The following CHD4 variants were observed in gnomAD, a reference collection of about 807,000 sequenced individuals.
The protein encoded by CHD4 is chromodomain helicase DNA binding protein 4, also known as ATP-dependent chromatin remodeler CHD4.
Under a neutral mutation model 235.5 loss-of-function variants are expected in CHD4, and 35 were observed. The observed-to-expected ratio is 0.15, with a 90% CI of 0.11 to 0.20. The LOEUF (loss-of-function observed/expected upper bound fraction) is 0.20, where lower values mean the gene tolerates loss of function less well. Ranked by LOEUF, CHD4 falls within the 10% of genes least tolerant of loss-of-function variation. CHD4 has a pLI of 1.00. For missense variants in CHD4, 1,329 were observed against 2,432.3 expected (o/e 0.55, Z 9.54); for synonymous variants, 900 against 850.2 (o/e 1.06, Z -1.02).
chr12:6,602,477 C>G lies in CHD4; in HGVS notation c.121G>C (p.Glu41Gln). ...PHPENEEDPE[E>Q]DLSETETPKL... ...GGAGTCTCTGTTTCTGACAAATCCT[C>G]TTCTGGGTCCTCTTCATTTTCTACA... The change falls in exon 3 of 40, where the codon GAG becomes CAG. Residue 41 changes from glutamate to glutamine, a missense_variant. Physicochemically the swap from Glu to Gln is conservative, Grantham distance 29. Around this residue, in one of 26 missense-constraint regions of CHD4, gnomAD observed 213 missense variants for 177.5 expected, o/e 1.20. Coordinates refer to ENST00000544040, the MANE Select transcript of CHD4 (RefSeq NM_001273.5). 1 of 1,612,436 alleles carries G rather than the reference C, an allele frequency of 6.2e-7. No homozygotes were observed. The highest frequency in any genetic ancestry group is 8.5e-7 in the Non-Finnish European group (1 of 1,179,690).
At position 6,578,486 on chromosome 12, in the gene CHD4, T is replaced by C. The variant is rs778146868; in HGVS notation, c.5042A>G (p.Lys1681Arg). ...EVMLQNGETP[K>R]DLNDEKQKKN... ...CTTCTGTTTCTCATCATTCAGGTCC[T>C]TGGGGGTCTCTCCATTCTGAAGCAT... Residue 1681 changes from lysine to arginine, a missense_variant, in exon 35 of 40, where the codon AAG (lysine) becomes AGG (arginine). Lys to Arg is a conservative substitution (Grantham distance 26). This residue lies in a region of CHD4 where 219 missense variants were observed against 219.3 expected (regional missense o/e 1.00). Coordinates refer to ENST00000544040, the MANE Select transcript of CHD4 (RefSeq NM_001273.5). 1.2e-6 allele frequency: 2 copies of C among 1,613,976 alleles called. No homozygotes were observed. The highest frequency in any genetic ancestry group is 1.7e-6 in the Non-Finnish European group (2 of 1,180,000).
At chr12:6,576,351 G>A (rs942923584) in intron 37 of CHD4, among the ~76,000 whole-genome samples, 1 of 152,056 alleles carries the variant, frequency 6.6e-6, no homozygotes, top group Non-Finnish European at 1.5e-5. Context: ...TCAAGACACT[G>A]TCTCAGGAAA....
At chr12:6,600,833 ACG>A in intron 7 of CHD4, 91 bp downstream of exon 7, 2 of 1,513,258 alleles carry the variant, frequency 1.3e-6, no homozygotes, top group Non-Finnish European at 1.8e-6. Flanking sequence ...CCACATTCTT[ACG>A]TGCCTACTAT....
rs757879181 is a variant in CHD4, at chr12:6,578,876, C to G, written c.4951G>C (p.Asp1651His). 2 of 1,614,220 alleles carry G rather than the reference C, an allele frequency of 1.2e-6. No individual in the cohort carries two copies. Among genetic ancestry groups the G allele is most frequent in the Non-Finnish European group, 1.7e-6 (2 of 1,180,038 alleles). Residue 1651 changes from aspartate to histidine, a missense_variant, in exon 34 of 40, where the codon GAT becomes CAT. Transcript: ENST00000544040. ...VEKVEEKSAI[D>H]LTPIVVEDKE... ...TCTTCTACCACAATAGGGGTCAGAT[C>G]TATTGCTGACTTTTCCTCCACCTTC...
Position 6,593,922 on chromosome 12 carries a change from A to G in CHD4, c.2314-306T>C, listed in dbSNP as rs1392654225. On this transcript the variant is annotated intron_variant, in intron 15 of 39. Coordinates refer to ENST00000544040, the MANE Select transcript of CHD4 (RefSeq NM_001273.5). This position sits in a 1 kb window ranked among gnomAD's most constrained non-coding sequence, Gnocchi z 4.9. ...GCAATCTCAGCTCACTGCAACCTCCACCTCCCGGGTTCAAGCGATTCTCCT... is the reference window on the plus strand; with the variant it reads ...GCAATCTCAGCTCACTGCAACCTCCGCCTCCCGGGTTCAAGCGATTCTCCT... 1.3e-5 allele frequency among the ~76,000 whole-genome samples: 2 copies of G among 151,696 alleles called. No individual in the cohort carries two copies. The highest frequency in any genetic ancestry group is 2.9e-5 in the Non-Finnish European group (2 of 67,920).
chr12:6,580,787 T>A (rs1948171068), intron 33 of CHD4: 3 of 348,496 alleles, frequency 8.6e-6, no homozygotes, highest in Non-Finnish European at 1.5e-5. Context: ...AGCAGGTGGA[T>A]CATGAGGTCA....
intron 37 of CHD4, 77 bp downstream of exon 37, chr12:6,577,708 C>A: frequency 1.3e-6 from 2 of 1,576,534 alleles, no homozygotes; most frequent in South Asian, 1.1e-5. Context: ...GCTGGATGGA[C>A]AGACTCCCTC....
Position 6,593,022 on chromosome 12 carries a change from C to G in CHD4, c.2652+69G>C. The G allele has an allele frequency of 6.3e-7, 1 of 1,588,784 alleles. No individual in the cohort carries two copies. The highest frequency in any genetic ancestry group is 2.2e-5 in the East Asian group (1 of 44,650). ...TCTCCTCTCCATCTACAAGTTTTCC[C>G]CTTAATGAATTGGTAGTACTAGAAA... On this transcript the variant is annotated intron_variant, in intron 17 of 39. Transcript: ENST00000544040. The surrounding 1 kb of genome is among the most constrained non-coding windows in gnomAD (Gnocchi z 4.9).
At chr12:6,586,979 T>C (rs2136208111) in intron 25 of CHD4, 1 of 163,388 alleles carries the variant, frequency 6.1e-6, no homozygotes, top group Non-Finnish European at 1.3e-5. Context: ...ATTACAGATG[T>C]GAGCCACTGC....
At chr12:6,574,964 A>AAG (rs1948043124) in intron 37 of CHD4, among the ~76,000 whole-genome samples, 1 of 152,244 alleles carries the variant, frequency 6.6e-6, no homozygotes, top group South Asian at 2.1e-4. Flanking sequence ...AAGTCAAAAC[A>AAG]AGACTATTTC....
intron 4 of CHD4, 90 bp downstream of exon 4, chr12:6,601,870 A>T: frequency 1.3e-6 from 2 of 1,568,134 alleles, no homozygotes; most frequent in Non-Finnish European, 1.8e-6. Context: ...GAGGAAAAGA[A>T]GAGAAAGTGT....
chr12:6,593,084 C>T lies in CHD4; in HGVS notation c.2652+7G>A, dbSNP rs943555807. The T allele has an allele frequency of 2.5e-6, 4 of 1,613,612 alleles. No homozygotes were observed. The African/African-American group carries it at 5.3e-5, about 22-fold the overall frequency. Reference sequence around the variant, plus strand: ...GGGGGCTCCAACATCCCTCCCTCAGCCCTCACCTTAGACTGATTGTTCTTC... The same window carrying T: ...GGGGGCTCCAACATCCCTCCCTCAGTCCTCACCTTAGACTGATTGTTCTTC... On this transcript the variant is annotated splice_region_variant and intron_variant, in intron 17 of 39. Transcript: ENST00000544040. The surrounding 1 kb of genome is among the most constrained non-coding windows in gnomAD (Gnocchi z 4.9).
At position 6,587,550 on chromosome 12, in the gene CHD4, T is replaced by C. The variant is rs1299074409; in HGVS notation, c.3713A>G (p.Asn1238Ser). 5 of 1,613,920 alleles carry C rather than the reference T, an allele frequency of 3.1e-6. No homozygotes were observed. Among genetic ancestry groups the C allele is most frequent in the Non-Finnish European group, 4.2e-6 (5 of 1,179,962 alleles). Residue 1238 changes from asparagine to serine, a missense_variant, in exon 25 of 40, where the codon AAC (asparagine) becomes AGC (serine). Around this residue, in one of 26 missense-constraint regions of CHD4, gnomAD observed 21 missense variants for 53.5 expected, o/e 0.39. Transcript: ENST00000544040. ...KDEATDGGGD[N>S]KEGEDSSVIH... ...AACACTGCTATCTTCTCCCTCTTTG[T>C]TGTCTCCTCCTATAAAAAATCAAGG...
chr12:6,600,229 G>A lies in CHD4; in HGVS notation c.1230C>T (p.Ser410=), dbSNP rs1282266436. 6.2e-7 allele frequency: 1 copy of A among 1,614,026 alleles called. No individual in the cohort carries two copies. Among genetic ancestry groups the A allele is most frequent in the East Asian group, 2.2e-5 (1 of 44,892 alleles). The change falls in exon 9 of 40, where the codon AGC becomes AGT. Residue 410 remains serine (S), a synonymous_variant. Transcript: ENST00000544040. The part of the protein sequence containing the change: ...DMEKAPEGKW[S]CPHCEKEGIQ... ...GCCAGACACTCACGCAGTGTGGGCA[G>A]CTCCACTTGCCCTCGGGAGCCTTCT...
chr12:6,592,384 C>G lies in CHD4; in HGVS notation c.2948+9G>C. 3.8e-6 allele frequency: 6 copies of G among 1,571,746 alleles called. No individual in the cohort carries two copies. Among genetic ancestry groups the G allele is most frequent in the Non-Finnish European group, 5.2e-6 (6 of 1,157,806 alleles). ...TAAATGGAGTCTGCTTCTGTCCCTC[C>G]CAACTCACTTCTGCATAGGGCTCAG... is the stretch of plus-strand genomic sequence containing the variant. On this transcript the variant is annotated intron_variant, in intron 19 of 39. Coordinates refer to ENST00000544040, the MANE Select transcript of CHD4 (RefSeq NM_001273.5).
chr12:6,575,382 A>C (rs1948051818), intron 37 of CHD4, among the ~76,000 whole-genome samples: 1 of 146,086 alleles, frequency 6.8e-6, no homozygotes, highest in Admixed American at 7.1e-5. Flanking sequence ...CAGGAGGCAG[A>C]GGGTGCAGTG....
At chr12:6,606,572 T>C (rs1185539388) in intron 1 of CHD4, 121 bp from the exon 2 acceptor site, 2 of 490,206 alleles carry the variant, frequency 4.1e-6, no homozygotes, top group Non-Finnish European at 7.2e-6. Flanking sequence ...CCCGAACCGC[T>C]CAGGCTGAAC....
chr12:6,582,974 G>C lies in CHD4; in HGVS notation c.4148-38C>G, dbSNP rs112128909. On this transcript the variant is annotated intron_variant, in intron 27 of 39. Transcript: ENST00000544040. Reference sequence around the variant, plus strand: ...AAAGATGAATGAGTGACACAGGTAGGATATTAAACAAAGCAACATTTAGAA... The same window carrying C: ...AAAGATGAATGAGTGACACAGGTAGCATATTAAACAAAGCAACATTTAGAA... 7.0e-5 allele frequency: 112 copies of C among 1,601,454 alleles called. No homozygotes were observed. The Admixed American group carries it at 1.9e-3, about 27-fold the overall frequency.
At chr12:6,585,474 G>C (rs1324308981) in intron 25 of CHD4, among the ~76,000 whole-genome samples, 10 of 151,788 alleles carry the variant, frequency 6.6e-5, no homozygotes, top group South Asian at 2.1e-4. Context: ...AGTAGAGACG[G>C]GGTTTCATCG....
Sources: gnomAD v4.1 joint callset for allele counts (sites outside exome capture counted in the v4.1 genomes callset) on GRCh38, gnomAD v4.1.1 for gene constraint, gnomAD v4.1.1 regional missense constraint, Gnocchi (gnomAD v3.1) non-coding constraint, MANE v1.5 for transcripts, NCBI Gene and HGNC (gene_info 2026-07-23, HGNC 2026-07-21) for gene names.